The following CCDC61 variants were observed in gnomAD, a reference collection of about 807,000 sequenced individuals.
CCDC61 encodes the protein coiled-coil domain containing 61, also known as centrosomal protein CCDC61.
A neutral mutation model predicts 63.0 loss-of-function variants in CCDC61; 55 were observed. The ratio of observed to expected loss-of-function variants is 0.87; its 90% CI spans 0.70 to 1.09. The LOEUF (loss-of-function observed/expected upper bound fraction) is 1.09, where lower values mean the gene tolerates loss of function less well. Among genes scored for constraint, CCDC61 ranks in the 50% least tolerant of loss-of-function variants. CCDC61 has a pLI of 0.00. For synonymous variants in CCDC61, 270 were observed against 317.0 expected (o/e 0.85, Z 1.58); for missense variants, 651 against 731.4 (o/e 0.89, Z 1.27).
chr19:46,017,474 A>G (rs1968968539), intron 12 of CCDC61, among the ~76,000 whole-genome samples, 170 bp downstream of exon 12: 2 of 149,376 alleles, frequency 1.3e-5, no homozygotes, highest in South Asian at 4.3e-4. Flanking sequence ...ATTGTAGCTC[A>G]CGGCAGCTTT....
At chr19:46,009,093 T>G (rs1968774313) in intron 5 of CCDC61, among the ~76,000 whole-genome samples, 1 of 152,158 alleles carries the variant, frequency 6.6e-6, no homozygotes, top group Non-Finnish European at 1.5e-5. Context: ...GAGCCTGTGC[T>G]GTGGGAGGCT....
rs369963014 is a variant in CCDC61 at position 46,017,018 on chromosome 19, C to T, written c.1259C>T (p.Ser420Phe). Residue 420 changes from serine (S) to phenylalanine (F), a missense_variant, in exon 11 of 14, where the codon TCT becomes TTT. By Grantham distance (155) the Ser-to-Phe change is radical. Transcript: ENST00000595358. ...SVDSFRSRCSSASSCSDLEDF... is the reference protein window; with the variant it reads ...SVDSFRSRCSFASSCSDLEDF... ...GACAGTTTCCGCAGCCGCTGCTCGT[C>T]TGCCAGCTCCTGCAGCGATTTGGAG... The T allele has an allele frequency of 1.2e-6, 2 of 1,612,436 alleles. No homozygotes were observed. Among genetic ancestry groups the T allele is most frequent in the East Asian group, 2.2e-5 (1 of 44,868 alleles).
At chr19:46,008,326 T>TGGGGGGGGGGGGGGGG in intron 5 of CCDC61, 25 bp downstream of exon 5, 1 of 460,814 alleles carries the variant, frequency 2.2e-6, no homozygotes, top group Non-Finnish European at 4.1e-6. Context: ...GGTGGGCAGC[T>TGGGGGGGGGGGGGGGG]GGGGCGGGTG....
Position 45,997,401 on chromosome 19 carries a change from A to T in CCDC61, c.-12+1897A>T, listed in dbSNP as rs576697120. On this transcript the variant is annotated intron_variant, in intron 1 of 13. Coordinates refer to ENST00000595358, the MANE Select transcript of CCDC61 (RefSeq NM_001267723.2). ...CTACCTGATATAGATTATTATTATT[A>T]TTTTTTTTGAGATGGACTCTTGCGG... 9.6e-4 allele frequency among the ~76,000 whole-genome samples: 139 copies of T among 144,270 alleles called. 2 individuals carry two copies. In the South Asian group the frequency reaches 0.01, roughly 10 times the overall value. 94.6% of individuals were successfully genotyped at this position (144,270 alleles called of 152,430 possible). A position where few individuals can be genotyped will look rare whatever the true frequency, so the allele number is the denominator to read the frequency against.
At chr19:46,013,777 A>G (rs887395033) in intron 5 of CCDC61, among the ~76,000 whole-genome samples, 7 of 151,830 alleles carry the variant, frequency 4.6e-5, no homozygotes, top group African/African-American at 1.7e-4. Flanking sequence ...GAGGCAGGAG[A>G]ATCGCTTCAA....
At chr19:46,008,531 C>T (rs949690188) in intron 5 of CCDC61, among the ~76,000 whole-genome samples, 7 of 152,214 alleles carry the variant, frequency 4.6e-5, no homozygotes, top group African/African-American at 1.4e-4. Flanking sequence ...GTCTCAGCCT[C>T]CCAAGTAGCT....
chr19:46,002,897 C>T, intron 1 of CCDC61, 111 bp from the exon 2 acceptor site: 1 of 1,109,850 alleles, frequency 9.0e-7, no homozygotes, highest in Non-Finnish European at 1.3e-6. Flanking sequence ...ATTCGCTTTC[C>T]CAGGATGCCA....
rs1410458861 is a variant in CCDC61, at chr19:45,995,482, G to A, written c.-34G>A. Reference sequence around the variant, plus strand: ...GAGCTTCGTCAGTTGAACCGCTCGCGAGGAGGGTTGCTAGTGGAGAAGGTG... The same window carrying A: ...GAGCTTCGTCAGTTGAACCGCTCGCAAGGAGGGTTGCTAGTGGAGAAGGTG... On this transcript the variant is annotated 5_prime_UTR_variant, in exon 1 of 14. Coordinates refer to ENST00000595358, the MANE Select transcript of CCDC61 (RefSeq NM_001267723.2). 1 of 530,204 alleles carries A rather than the reference G, an allele frequency of 1.9e-6. No individual in the cohort carries two copies. 32.8% of individuals were successfully genotyped at this position (530,204 alleles called of 1,614,324 possible). A position where few individuals can be genotyped will look rare whatever the true frequency, so the allele number is the denominator to read the frequency against.
chr19:46,005,854 A>G (rs933410667), intron 3 of CCDC61, among the ~76,000 whole-genome samples: 3 of 151,964 alleles, frequency 2.0e-5, no homozygotes, highest in Non-Finnish European at 4.4e-5. Flanking sequence ...CAAAACTCAG[A>G]TACAGAAGTG....
intron 5 of CCDC61, among the ~76,000 whole-genome samples, chr19:46,008,729 C>T (rs938438735): frequency 6.6e-6 from 1 of 152,138 alleles, no homozygotes. Context: ...TCTTCTGTAC[C>T]TTTGTGCTGG....
chr19:46,016,441 C>G lies in CCDC61; in HGVS notation c.1091+48C>G. 1 of 1,595,648 alleles carries G rather than the reference C, an allele frequency of 6.3e-7. No individual in the cohort carries two copies. The highest frequency in any genetic ancestry group is 8.6e-7 in the Non-Finnish European group (1 of 1,166,706). On this transcript the variant is annotated intron_variant, in intron 9 of 13. Transcript: ENST00000595358. This position sits in a 1 kb window ranked among gnomAD's most constrained non-coding sequence, Gnocchi z 7.2. ...CCTGCCCCTGTCCCTGGCCCGTGCCCGCTCCCGGGCTCTCATCTCTCCACG... is the reference window on the plus strand; with the variant it reads ...CCTGCCCCTGTCCCTGGCCCGTGCCGGCTCCCGGGCTCTCATCTCTCCACG...
chr19:46,010,731 C>T (rs1469629390), intron 5 of CCDC61, among the ~76,000 whole-genome samples: 1 of 152,182 alleles, frequency 6.6e-6, no homozygotes, highest in Admixed American at 6.5e-5. Flanking sequence ...ACGTACTTGT[C>T]CCCCAGCTTC....
At chr19:46,003,523 T>TGGG in intron 3 of CCDC61, 22 bp downstream of exon 3, 15 of 1,014,792 alleles carry the variant, frequency 1.5e-5, no homozygotes, top group Admixed American at 1.9e-5. Context: ...GTTGGCGGGT[T>TGGG]GGGGTGGGAG....
At chr19:46,006,347 C>T (rs368677958) in intron 3 of CCDC61, among the ~76,000 whole-genome samples, 3 of 152,364 alleles carry the variant, frequency 2.0e-5, no homozygotes, top group South Asian at 4.1e-4. Context: ...AAGCTGTTCT[C>T]TCTGGTTGAG....
In CCDC61 at chr19:46,003,137, A is replaced by G. The variant is rs1197552814; in HGVS notation, c.119A>G (p.Asp40Gly). ...ELEVEDRMTA[D>G]QWRGEFDAGF... ...GAGGTGGAGGACCGGATGACGGCTGACCAGTGGCGGGGCGAGTTCGATGCT... is the reference window on the plus strand; with the variant it reads ...GAGGTGGAGGACCGGATGACGGCTGGCCAGTGGCGGGGCGAGTTCGATGCT... Residue 40 changes from aspartate to glycine, a missense_variant, in exon 2 of 14, where the codon GAC becomes GGC. Transcript: ENST00000595358. 2 of 1,613,084 alleles carry G rather than the reference A, an allele frequency of 1.2e-6. No individual in the cohort carries two copies. Among genetic ancestry groups the G allele is most frequent in the African/African-American group, 1.3e-5 (1 of 75,006 alleles).
Position 46,016,891 on chromosome 19 carries a change from G to A in CCDC61, c.1231+58G>A. 3.3e-6 allele frequency: 5 copies of A among 1,499,642 alleles called. No individual in the cohort carries two copies. The highest frequency in any genetic ancestry group is 3.6e-6 in the Non-Finnish European group (4 of 1,115,546). 92.9% of individuals were successfully genotyped at this position (1,499,642 alleles called of 1,614,324 possible). ...AGGCGGGACTGGGCGGGGCTGGGCG[G>A]GCTGGGAGGCACTGGGCAGGGCGGG... On this transcript the variant is annotated intron_variant, in intron 10 of 13. Coordinates refer to ENST00000595358, the MANE Select transcript of CCDC61 (RefSeq NM_001267723.2). This position sits in a 1 kb window ranked among gnomAD's most constrained non-coding sequence, Gnocchi z 7.2.
Position 46,016,679 on chromosome 19 carries a change from TTTC to T in CCDC61, c.1092-12_1092-10del. On this transcript the variant is annotated splice_polypyrimidine_tract_variant and intron_variant, in intron 9 of 13. Transcript: ENST00000595358. This position sits in a 1 kb window ranked among gnomAD's most constrained non-coding sequence, Gnocchi z 7.2. Reference sequence around the variant, plus strand: ...GTTGGGCGTACAGACCGGCGTCTCCTTTCTTTTTTCCCAGGCAGCAGCAGCGGA... The same window carrying T: ...GTTGGGCGTACAGACCGGCGTCTCCTTTTTTTCCCAGGCAGCAGCAGCGGA... The T allele has an allele frequency of 6.2e-7, 1 of 1,611,734 alleles. No homozygotes were observed. The highest frequency in any genetic ancestry group is 8.5e-7 in the Non-Finnish European group (1 of 1,179,268).
Position 46,015,398 on chromosome 19 carries a change from G to T in CCDC61, c.816G>T (p.Leu272=). 1 of 1,602,734 alleles carries T rather than the reference G, an allele frequency of 6.2e-7. No individual in the cohort carries two copies. The highest frequency in any genetic ancestry group is 1.1e-5 in the South Asian group (1 of 90,682). The change falls in exon 7 of 14, where the codon CTG becomes CTT. Residue 272 remains leucine (L), a synonymous_variant. Transcript: ENST00000595358. The surrounding 1 kb of genome is among the most constrained non-coding windows in gnomAD (Gnocchi z 5.3). ...ERSLRARLKT[L]TSELALYKRG... ...GCCTGCGCGCCCGGCTGAAGACGCT[G>T]ACCAGCGAGCTGGCATTGTACAAGA...
chr19:45,996,061 C>T (rs139654181), intron 1 of CCDC61, among the ~76,000 whole-genome samples: 3 of 152,302 alleles, frequency 2.0e-5, no homozygotes, highest in African/African-American at 4.8e-5. Context: ...TGGGCTCTGG[C>T]GTCGGGTTGA....
Sources: gnomAD v4.1 joint callset for allele counts (sites outside exome capture counted in the v4.1 genomes callset) on GRCh38, gnomAD v4.1.1 for gene constraint, Gnocchi (gnomAD v3.1) non-coding constraint, MANE v1.5 for transcripts, NCBI Gene and HGNC (gene_info 2026-07-23, HGNC 2026-07-21) for gene names.